Variants in PTPRD observed in about 807,000 individuals in gnomAD.
The protein encoded by PTPRD is protein tyrosine phosphatase receptor type D.
A neutral mutation model predicts 214.5 loss-of-function variants in PTPRD; 34 were observed. The observed-to-expected ratio is 0.16, with a 90% confidence interval of 0.12 to 0.21. The LOEUF (loss-of-function observed/expected upper bound fraction) is 0.21, where lower values mean the gene tolerates loss of function less well. Among genes scored for constraint, PTPRD ranks in the 10% least tolerant of loss-of-function variants. The probability of loss-of-function intolerance (pLI) is 1.00; values close to 1 mark genes in which losing one functional copy is unlikely to be tolerated. For missense variants in PTPRD, 2,545 were observed against 2,398.7 expected (o/e 1.06, Z -1.27); for synonymous variants, 1,128 against 845.7 (o/e 1.33, Z -5.79).
chr9:9,466,763 A>G (rs116897124), intron 8 of PTPRD, among the ~76,000 whole-genome samples: 47 of 152,208 alleles, frequency 3.1e-4, no homozygotes, highest in Non-Finnish European at 3.1e-4. Context: ...TTGATTTTCT[A>G]TCAGTTAATC....
At chr9:9,693,247 G>A (rs111234196) in intron 7 of PTPRD, among the ~76,000 whole-genome samples, 4 of 152,014 alleles carry the variant, frequency 2.6e-5, no homozygotes, top group African/African-American at 9.7e-5. Context: ...ATCTTGAATT[G>A]TAATCCCCTG....
chr9:9,777,673 C>T (rs2821495), intron 5 of PTPRD, among the ~76,000 whole-genome samples: 3 of 151,646 alleles, frequency 2.0e-5, no homozygotes, highest in Non-Finnish European at 2.9e-5. Context: ...CTGTAGTGTG[C>T]GCAACAGAGT....
At chr9:9,013,049 G>A (rs1396370828) in intron 11 of PTPRD, among the ~76,000 whole-genome samples, 1 of 152,060 alleles carries the variant, frequency 6.6e-6, no homozygotes, top group Non-Finnish European at 1.5e-5. Flanking sequence ...GACGTTAAAG[G>A]GGGGGATGCA....
chr9:9,829,229 C>T (rs994338171), intron 5 of PTPRD, among the ~76,000 whole-genome samples: 1 of 151,752 alleles, frequency 6.6e-6, no homozygotes, highest in Non-Finnish European at 1.5e-5. Context: ...GCATGTATAA[C>T]ATAAGAATAC....
At chr9:9,846,753 C>G (rs1342243911) in intron 5 of PTPRD, among the ~76,000 whole-genome samples, 1 of 152,090 alleles carries the variant, frequency 6.6e-6, no homozygotes, top group East Asian at 1.9e-4. Flanking sequence ...GGTATTAGTG[C>G]TGACACTGCT....
chr9:8,605,903 C>G (rs1409005546), intron 14 of PTPRD, among the ~76,000 whole-genome samples: 1 of 152,142 alleles, frequency 6.6e-6, no homozygotes, highest in Non-Finnish European at 1.5e-5. Flanking sequence ...ATCAGAAGCA[C>G]AGGTGTGCCA....
chr9:9,770,696 C>T (rs2098745110), intron 5 of PTPRD, among the ~76,000 whole-genome samples: 1 of 151,902 alleles, frequency 6.6e-6, no homozygotes, highest in African/African-American at 2.4e-5. Context: ...AAAAACAGGC[C>T]ATGTTTGTTT....
chr9:9,214,151 A>C (rs1360835351), intron 9 of PTPRD, among the ~76,000 whole-genome samples: 2 of 152,122 alleles, frequency 1.3e-5, no homozygotes, highest in Admixed American at 6.6e-5. Flanking sequence ...GAGAAGTGCA[A>C]AGTATCCGGG....
rs372664692 is a variant in PTPRD, at chr9:9,953,285, T to C, written c.-471-14675A>G. On this transcript the variant is annotated intron_variant, in intron 4 of 45. Coordinates refer to ENST00000381196, the MANE Select transcript of PTPRD (RefSeq NM_002839.4). ...TGTGGACAGGCCTCATCGAATCAGTTATAGGCATGAACAGAACAAAAGACT... is the reference window on the plus strand; with the variant it reads ...TGTGGACAGGCCTCATCGAATCAGTCATAGGCATGAACAGAACAAAAGACT... 1.5e-3 allele frequency among the ~76,000 whole-genome samples: 231 copies of C among 152,128 alleles called. 7 individuals are homozygous for C. In the South Asian group the frequency reaches 0.047, roughly 31 times the overall value.
intron 2 of PTPRD, among the ~76,000 whole-genome samples, chr9:10,417,960 T>C (rs1318966479): frequency 6.6e-6 from 1 of 151,746 alleles, no homozygotes; most frequent in Non-Finnish European, 1.5e-5. Context: ...GAATATATCA[T>C]TTTACTTATT....
chr9:10,317,039 T>C (rs954889278), intron 3 of PTPRD, among the ~76,000 whole-genome samples: 3 of 152,004 alleles, frequency 2.0e-5, no homozygotes, highest in Admixed American at 1.3e-4. Flanking sequence ...GAGATCCCTA[T>C]TAGTTTGCTA....
chr9:9,411,652 C>T (rs2075476509), intron 8 of PTPRD, among the ~76,000 whole-genome samples: 1 of 152,162 alleles, frequency 6.6e-6, no homozygotes, highest in South Asian at 2.1e-4. Context: ...TGCTGTCTGA[C>T]ACCTGAAAAA....
rs963917492 is a variant in PTPRD at position 9,704,849 on chromosome 9, G to T, written c.-287+29684C>A. Among the ~76,000 whole-genome samples, 8 of 152,256 alleles carry T rather than the reference G, an allele frequency of 5.3e-5. No individual in the cohort carries two copies. The South Asian group carries it at 1.0e-3, about 20-fold the overall frequency. ...TAGATTCCAAACGAGTCATTTTCCA[G>T]TTGAAAACCATCAAGAGATATCTGT... is the stretch of plus-strand genomic sequence containing the variant. On this transcript the variant is annotated intron_variant, in intron 7 of 45. Transcript: ENST00000381196.
intron 7 of PTPRD, among the ~76,000 whole-genome samples, chr9:9,718,118 A>G (rs2097864805): frequency 6.6e-6 from 1 of 152,176 alleles, no homozygotes; most frequent in Admixed American, 6.5e-5. Context: ...ATCCTTCTTT[A>G]GTTTATCAAG....
chr9:9,560,106 A>C (rs2082527657), intron 8 of PTPRD, among the ~76,000 whole-genome samples: 1 of 152,212 alleles, frequency 6.6e-6, no homozygotes, highest in African/African-American at 2.4e-5. Flanking sequence ...TTGAACTGGA[A>C]TGCTAGGGCA....
At chr9:10,346,480 A>T (rs2097084962) in intron 2 of PTPRD, among the ~76,000 whole-genome samples, 1 of 152,248 alleles carries the variant, frequency 6.6e-6, no homozygotes, top group South Asian at 2.1e-4. Context: ...GTAATTTAAT[A>T]ATTTAATATC....
intron 8 of PTPRD, among the ~76,000 whole-genome samples, chr9:9,472,591 A>G (rs1043435518): frequency 1.9e-4 from 29 of 151,198 alleles, no homozygotes; most frequent in African/African-American, 6.5e-4. Flanking sequence ...TCAAGTTTCT[A>G]CAGCATTTGA....
chr9:9,203,246 C>T (rs1369771236), intron 9 of PTPRD, among the ~76,000 whole-genome samples: 2 of 151,940 alleles, frequency 1.3e-5, no homozygotes, highest in African/African-American at 4.8e-5. Flanking sequence ...CACACACACA[C>T]AAACACACAC....
chr9:9,156,017 C>T (rs1216721592), intron 10 of PTPRD, among the ~76,000 whole-genome samples: 2 of 152,054 alleles, frequency 1.3e-5, no homozygotes, highest in African/African-American at 4.8e-5. Flanking sequence ...TAACAGCTCC[C>T]CTACAAATCA....
Sources: allele counts gnomAD v4.1 joint callset (sites outside exome capture counted in the v4.1 genomes callset), GRCh38; gene constraint gnomAD v4.1.1; transcripts MANE v1.5; gene names NCBI Gene and HGNC (gene_info 2026-07-23, HGNC 2026-07-21).